Variants in ABLIM3 observed in about 807,000 individuals in gnomAD.
ABLIM3 encodes the protein actin binding LIM protein family member 3.
A neutral mutation model predicts 109.5 loss-of-function variants in ABLIM3; 61 were observed. That is an observed-to-expected ratio of 0.56 (90% CI 0.45 to 0.69). ABLIM3 has a LOEUF of 0.69. Among genes scored for constraint, ABLIM3 ranks in the 30% least tolerant of loss-of-function variants. The probability of loss-of-function intolerance (pLI) is 0.00; values close to 1 mark genes in which losing one functional copy is unlikely to be tolerated. For synonymous variants in ABLIM3, 300 were observed against 324.8 expected (o/e 0.92, Z 0.82); for missense variants, 796 against 889.5 (o/e 0.89, Z 1.34).
Position 149,251,426 on chromosome 5 carries a change from G to A in ABLIM3, c.1849+7G>A, listed in dbSNP as rs200129204. 117 of 1,613,854 alleles carry A rather than the reference G, an allele frequency of 7.2e-5. No individual in the cohort carries two copies. The highest frequency in any genetic ancestry group is 1.6e-4 in the Middle Eastern group (1 of 6,062). ...GTCAACTGGGGCATGCGAGGTGAGT[G>A]CAGGCCTGCAGGGGGTCTGCAGGGA... On this transcript the variant is annotated splice_region_variant and intron_variant, in intron 21 of 23. Transcript: ENST00000309868.
chr5:149,249,996 A>ATTGTGGG, intron 19 of ABLIM3, 152 bp downstream of exon 19: 1 of 1,037,898 alleles, frequency 9.6e-7, no homozygotes, highest in Non-Finnish European at 1.4e-6. Context: ...TATTTGTCAG[A>ATTGTGGG]TTGTGGGTCT....
At position 149,258,457 on chromosome 5, in the gene ABLIM3, C is replaced by G. The variant is rs1754646121; in HGVS notation, c.*53C>G. ...TTATATAAAGATATATGTAAAATCT[C>G]TCTACTGAAGCTCGGTATAATCCTC... On this transcript the variant is annotated 3_prime_UTR_variant, in exon 24 of 24. Coordinates refer to ENST00000309868, the MANE Select transcript of ABLIM3 (RefSeq NM_014945.5). The G allele has an allele frequency of 1.9e-6, 3 of 1,553,286 alleles. No homozygotes were observed. The highest frequency in any genetic ancestry group is 2.6e-6 in the Non-Finnish European group (3 of 1,155,682).
Position 149,258,387 on chromosome 5 carries a change from C to G in ABLIM3, c.2035C>G (p.Gln679Glu). 6.2e-7 allele frequency: 1 copy of G among 1,613,982 alleles called. No homozygotes were observed. Among genetic ancestry groups the G allele is most frequent in the Non-Finnish European group, 8.5e-7 (1 of 1,180,016 alleles). The change falls in exon 24 of 24, where the codon CAA becomes GAA. Residue 679 changes from glutamine (Q) to glutamate (E), a missense_variant. Coordinates refer to ENST00000309868, the MANE Select transcript of ABLIM3 (RefSeq NM_014945.5). ...CTGGAAGAGGAATGAACTGAAGAAGCAAGCCCGGCTGTTCTAGGCAGAGGC... is the reference window on the plus strand; with the variant it reads ...CTGGAAGAGGAATGAACTGAAGAAGGAAGCCCGGCTGTTCTAGGCAGAGGC... Reference protein sequence around the residue: ...ALWKRNELKKQARLF With the variant: ...ALWKRNELKKEARLF
intron 2 of ABLIM3, among the ~76,000 whole-genome samples, chr5:149,154,695 G>T (rs1753730294): frequency 6.6e-6 from 1 of 152,124 alleles, no homozygotes; most frequent in South Asian, 2.1e-4. Flanking sequence ...TGATTATTTT[G>T]TTCATTAGCT....
chr5:149,227,625 G>A (rs558273836), intron 8 of ABLIM3, among the ~76,000 whole-genome samples: 3 of 152,298 alleles, frequency 2.0e-5, no homozygotes, highest in South Asian at 2.1e-4. Context: ...GGGAGTTGGC[G>A]TCAGTGGCTT....
intron 8 of ABLIM3, among the ~76,000 whole-genome samples, chr5:149,227,866 A>G (rs562419556): frequency 2.6e-5 from 4 of 152,376 alleles, no homozygotes; most frequent in South Asian, 2.1e-4. Context: ...TATTCACTCA[A>G]TGAGTATTTA....
In ABLIM3 at chr5:149,233,238, A is replaced by G. The variant is rs570986528; in HGVS notation, c.826A>G (p.Thr276Ala). The part of the protein sequence containing the change: ...RAEKKLKHRR[T>A]SETSISPPGS... ...TTCATCTCTCTCACAGCATAGACGG[A>G]CATCTGAAACCTCCATCTCACCCCC... Residue 276 changes from threonine to alanine, a missense_variant, in exon 10 of 24, where the codon ACA (threonine) becomes GCA (alanine). Thr to Ala is a moderately conservative substitution (Grantham distance 58). Transcript: ENST00000309868. 2 of 1,614,166 alleles carry G rather than the reference A, an allele frequency of 1.2e-6. No individual in the cohort carries two copies. The highest frequency in any genetic ancestry group is 1.1e-5 in the South Asian group (1 of 91,086).
chr5:149,222,417 T>G, intron 8 of ABLIM3, among the ~76,000 whole-genome samples: 1 of 152,122 alleles, frequency 6.6e-6, no homozygotes, highest in Non-Finnish European at 1.5e-5. Context: ...TGGTTCATGG[T>G]CAGCCTTTTG....
In ABLIM3 at chr5:149,219,043, A is replaced by T. The variant is rs917930018; in HGVS notation, c.757+1997A>T. The T allele has an allele frequency of 2.0e-5, 3 of 152,300 alleles. No homozygotes were observed. The East Asian group carries it at 5.8e-4, about 29-fold the overall frequency. The allele number at this position is 152,300 out of a possible 1,614,324, so 9.4% of individuals were successfully genotyped here. On this transcript the variant is annotated intron_variant, in intron 8 of 23. Coordinates refer to ENST00000309868, the MANE Select transcript of ABLIM3 (RefSeq NM_014945.5). ...CAGCAGTTACAGGGAGTGTGTCAGT[A>T]TCAGCTTGTCCTAGCCACAATGCCC...
chr5:149,190,049 C>T (rs1031121249), intron 3 of ABLIM3, among the ~76,000 whole-genome samples: 1 of 152,128 alleles, frequency 6.6e-6, no homozygotes, highest in African/African-American at 2.4e-5. Context: ...GAATGAAATA[C>T]TAATAAATGC....
rs1753188268 is a variant in ABLIM3, at chr5:149,244,798, G to A, written c.1352-83G>A. The A allele has an allele frequency of 1.9e-5, 30 of 1,577,520 alleles. No individual in the cohort carries two copies. In the South Asian group the frequency reaches 3.2e-4, roughly 17 times the overall value. On this transcript the variant is annotated intron_variant, in intron 15 of 23. Coordinates refer to ENST00000309868, the MANE Select transcript of ABLIM3 (RefSeq NM_014945.5). ...AGTGGACTCACTCCCCTGGGCTGGA[G>A]CCTGGTAAAGATAGGAAAAGGGTAC...
At chr5:149,195,833 C>T (rs1449926188) in intron 3 of ABLIM3, among the ~76,000 whole-genome samples, 1 of 152,190 alleles carries the variant, frequency 6.6e-6, no homozygotes, top group Admixed American at 6.5e-5. Flanking sequence ...CAGACTTCTG[C>T]CACCACCACC....
At chr5:149,174,175 G>T (rs1489148025) in intron 2 of ABLIM3, among the ~76,000 whole-genome samples, 1 of 152,070 alleles carries the variant, frequency 6.6e-6, no homozygotes, top group Non-Finnish European at 1.5e-5. Flanking sequence ...CGATGACCAG[G>T]GTGTCATAGG....
intron 16 of ABLIM3, 63 bp from the exon 17 acceptor site, chr5:149,246,419 A>T: frequency 1.5e-6 from 2 of 1,336,640 alleles, no homozygotes; most frequent in South Asian, 1.3e-5. Context: ...TAAAAAAAAA[A>T]TGCCTTAAGC....
chr5:149,239,189 G>A (rs59757169), intron 11 of ABLIM3, 59 bp from the exon 12 acceptor site: 700,406 of 1,577,050 alleles, frequency 0.44, 158,599 homozygotes, highest in East Asian at 0.57. Context: ...CCTTCGTCTC[G>A]TCCTCCTCTC....
At chr5:149,225,190 C>T (rs185807469) in intron 8 of ABLIM3, among the ~76,000 whole-genome samples, 44 of 152,252 alleles carry the variant, frequency 2.9e-4, no homozygotes, top group African/African-American at 9.1e-4. Context: ...CATTTTAAAG[C>T]GCACAATTCG....
At chr5:149,155,858 C>T (rs1358726360) in intron 2 of ABLIM3, among the ~76,000 whole-genome samples, 1 of 152,174 alleles carries the variant, frequency 6.6e-6, no homozygotes, top group East Asian at 1.9e-4. Context: ...AGATGCCACG[C>T]TAAACAGTAT....
At chr5:149,142,737 A>G (rs1752592209) in intron 2 of ABLIM3, among the ~76,000 whole-genome samples, 1 of 152,150 alleles carries the variant, frequency 6.6e-6, no homozygotes, top group African/African-American at 2.4e-5. Flanking sequence ...GGGCTCTAAC[A>G]TGCCAGAGGC....
At chr5:149,224,486 C>A (rs1012397805) in intron 8 of ABLIM3, among the ~76,000 whole-genome samples, 1 of 152,208 alleles carries the variant, frequency 6.6e-6, no homozygotes. Context: ...TCCCTGGGCA[C>A]AAGCCCAACC....
Sources: allele counts gnomAD v4.1 joint callset (sites outside exome capture counted in the v4.1 genomes callset), GRCh38; gene constraint gnomAD v4.1.1; transcripts MANE v1.5; gene names NCBI Gene and HGNC (gene_info 2026-07-23, HGNC 2026-07-21).